BLACAT1: variants seen among roughly 807,000 people sequenced by gnomAD.
The protein encoded by BLACAT1 is bladder cancer associated transcript 1.
At chr1:205,452,755 G>A (rs960215861) in intron 1 of BLACAT1, among the ~76,000 whole-genome samples, 3 of 152,094 alleles carry the variant, frequency 2.0e-5, no homozygotes, top group Non-Finnish European at 2.9e-5. Flanking sequence ...TGGTGGAAGG[G>A]AACCAGGACA....
rs1188918772 is a variant in BLACAT1, at chr1:205,441,998, C to A, written c.-36-936G>T. On this transcript the variant is annotated intron_variant, in intron 1 of 1. Coordinates refer to ENST00000629624, the Ensembl canonical transcript of BLACAT1. The surrounding 1 kb of genome is among the most constrained non-coding windows in gnomAD (Gnocchi z 4.3). The stretch of plus-strand genomic sequence containing the variant: ...AAGAGTATCCCTTTCTCCAAAGGCT[C>A]ATTTAGGTTTCCCTAGCCTTAACCA... Among the ~76,000 whole-genome samples the A allele has an allele frequency of 6.6e-6, 1 of 152,192 alleles. No individual in the cohort carries two copies. The highest frequency in any genetic ancestry group is 2.4e-5 in the African/African-American group (1 of 41,444).
chr1:205,442,771 C>A (rs1666317121), intron 1 of BLACAT1, among the ~76,000 whole-genome samples: 1 of 152,124 alleles, frequency 6.6e-6, no homozygotes, highest in African/African-American at 2.4e-5. Context: ...ATATATAGAG[C>A]CAAGACACAA....
chr1:205,451,305 C>A (rs775298290), intron 1 of BLACAT1, among the ~76,000 whole-genome samples: 3 of 152,208 alleles, frequency 2.0e-5, no homozygotes, highest in African/African-American at 7.2e-5. Flanking sequence ...CCACACCTAC[C>A]ACCAGTGGCC....
At chr1:205,453,040 G>A (rs1666516925) in intron 1 of BLACAT1, among the ~76,000 whole-genome samples, 1 of 152,152 alleles carries the variant, frequency 6.6e-6, no homozygotes, top group Admixed American at 6.5e-5. Context: ...GTTATGGGGT[G>A]TGAGTGGGCA....
chr1:205,438,404 G>A (rs1666240698), downstream of BLACAT1, among the ~76,000 whole-genome samples: 1 of 152,240 alleles, frequency 6.6e-6, no homozygotes, highest in Admixed American at 6.5e-5. Flanking sequence ...ACCCTAGAAG[G>A]AGCAGAAGCC....
intron 1 of BLACAT1, among the ~76,000 whole-genome samples, chr1:205,452,583 G>A (rs1485501155): frequency 6.6e-6 from 1 of 152,188 alleles, no homozygotes; most frequent in Non-Finnish European, 1.5e-5. Context: ...ATGTAGAAGG[G>A]ATCCTTGCAT....
chr1:205,454,536 G>T (rs991952859), intron 1 of BLACAT1, among the ~76,000 whole-genome samples: 1 of 151,420 alleles, frequency 6.6e-6, no homozygotes, highest in African/African-American at 2.4e-5. Flanking sequence ...GAGTGTGTGT[G>T]TGTGTGTGTG....
chr1:205,440,930 C>A (rs1210624694), exon 2 of BLACAT1: 2 of 152,376 alleles, frequency 1.3e-5, no homozygotes, highest in African/African-American at 4.8e-5. Flanking sequence ...TCTGATCACA[C>A]CGCCGTCTCC....
intron 1 of BLACAT1, among the ~76,000 whole-genome samples, chr1:205,444,827 C>T (rs1253876019): frequency 6.6e-6 from 1 of 151,996 alleles, no homozygotes; most frequent in Non-Finnish European, 1.5e-5. Flanking sequence ...CGACCCATCC[C>T]TTCATCTCCC....
At chr1:205,451,678 A>G (rs2102480361) in intron 1 of BLACAT1, among the ~76,000 whole-genome samples, 1 of 152,322 alleles carries the variant, frequency 6.6e-6, no homozygotes, top group South Asian at 2.1e-4. Flanking sequence ...AGAAGAGGAC[A>G]GAGGTGATAG....
intron 1 of BLACAT1, among the ~76,000 whole-genome samples, chr1:205,443,798 G>A (rs925731732): frequency 6.6e-6 from 1 of 152,182 alleles, no homozygotes; most frequent in South Asian, 2.1e-4. Flanking sequence ...CCCCTGAAGT[G>A]GGGGGACATG....
Position 205,441,482 on chromosome 1 carries a change from T to C in BLACAT1, c.-36-420A>G, listed in dbSNP as rs1247486226. ...GTTCTAGCTGGGGGCTTCCACTCGC[T>C]TCTGCAGGTTGCACACACGACAGGC... On this transcript the variant is annotated intron_variant, in intron 1 of 1. Coordinates refer to ENST00000629624, the Ensembl canonical transcript of BLACAT1. The surrounding 1 kb of genome is among the most constrained non-coding windows in gnomAD (Gnocchi z 4.3). 6.6e-6 allele frequency among the ~76,000 whole-genome samples: 1 copy of C among 152,186 alleles called. No homozygotes were observed. Among genetic ancestry groups the C allele is most frequent in the Non-Finnish European group, 1.5e-5 (1 of 68,032 alleles).
At chr1:205,445,474 C>A (rs1666372731) in intron 1 of BLACAT1, among the ~76,000 whole-genome samples, 1 of 152,264 alleles carries the variant, frequency 6.6e-6, no homozygotes, top group Non-Finnish European at 1.5e-5. Context: ...GCTCACCGAG[C>A]TCTCTGGAAT....
chr1:205,452,079 A>C (rs938482611), intron 1 of BLACAT1, among the ~76,000 whole-genome samples: 4 of 152,200 alleles, frequency 2.6e-5, no homozygotes, highest in Non-Finnish European at 5.9e-5. Context: ...AAGAGACCTC[A>C]GGTGTCCCTG....
chr1:205,447,173 C>A (rs1243161131), intron 1 of BLACAT1, among the ~76,000 whole-genome samples: 1 of 152,232 alleles, frequency 6.6e-6, no homozygotes, highest in South Asian at 2.1e-4. Flanking sequence ...CGTGGGTTCA[C>A]GTCCCAGTTG....
intron 1 of BLACAT1, among the ~76,000 whole-genome samples, chr1:205,453,222 A>G (rs1043163491): frequency 7.2e-5 from 11 of 152,200 alleles, no homozygotes; most frequent in African/African-American, 2.7e-4. Flanking sequence ...CCAACGCACG[A>G]GAAGGCTAGT....
intron 1 of BLACAT1, among the ~76,000 whole-genome samples, chr1:205,452,864 T>A (rs748096961): frequency 6.6e-6 from 1 of 152,172 alleles, no homozygotes; most frequent in Non-Finnish European, 1.5e-5. Flanking sequence ...ATTCTATGGA[T>A]GTTGGCTGAA....
In BLACAT1 at chr1:205,448,615, A is replaced by G. The variant is rs1274415726; in HGVS notation, c.-37+7302T>C. On this transcript the variant is annotated intron_variant, in intron 1 of 1. Transcript: ENST00000629624. This position sits in a 1 kb window ranked among gnomAD's most constrained non-coding sequence, Gnocchi z 4.7. The stretch of plus-strand genomic sequence containing the variant: ...AGTTCTTGCCCTACAAAGGCCTCAC[A>G]CAATGGTCCTCACTCCAGGGTATGA... Among the ~76,000 whole-genome samples the G allele has an allele frequency of 1.3e-5, 2 of 152,048 alleles. No individual in the cohort carries two copies. Among genetic ancestry groups the G allele is most frequent in the African/African-American group, 4.8e-5 (2 of 41,408 alleles).
rs952764590 is a variant in BLACAT1 at position 205,441,562 on chromosome 1, T to C, written c.-36-500A>G. The stretch of plus-strand genomic sequence containing the variant: ...TCCAGTGTAGCTTTACTTTGACACC[T>C]GGGACCGAGTCAGATTCCTCCCTTC... On this transcript the variant is annotated intron_variant, in intron 1 of 1. Coordinates refer to ENST00000629624, the Ensembl canonical transcript of BLACAT1. The surrounding 1 kb of genome is among the most constrained non-coding windows in gnomAD (Gnocchi z 4.3). Among the ~76,000 whole-genome samples, 1 of 152,168 alleles carries C rather than the reference T, an allele frequency of 6.6e-6. No individual in the cohort carries two copies. Among genetic ancestry groups the C allele is most frequent in the Non-Finnish European group, 1.5e-5 (1 of 68,022 alleles).
Sources: allele counts gnomAD v4.1 joint callset (sites outside exome capture counted in the v4.1 genomes callset), GRCh38; gene constraint gnomAD v4.1.1; non-coding constraint Gnocchi (gnomAD v3.1); transcripts MANE v1.5; gene names NCBI Gene and HGNC (gene_info 2026-07-23, HGNC 2026-07-21).